FHIT: variants seen among roughly 807,000 people sequenced by gnomAD.
FHIT encodes bis(5'-adenosyl)-triphosphatase.
In FHIT, 19 loss-of-function variants were observed where a neutral mutation model predicts 17.9. The observed-to-expected ratio is 1.06, with a 90% confidence interval of 0.74 to 1.56. The LOEUF (loss-of-function observed/expected upper bound fraction) is 1.56. Among genes scored for constraint, FHIT ranks in the 40% most tolerant of loss-of-function variants. The pLI, the probability that FHIT is intolerant of heterozygous loss-of-function variation, is 0.00. For synonymous variants in FHIT, 81 were observed against 69.7 expected (o/e 1.16, Z -0.81); for missense variants, 248 against 189.2 (o/e 1.31, Z -1.82).
chr3:60,305,618 A>C (rs1708635323), intron 5 of FHIT, among the ~76,000 whole-genome samples: 1 of 152,132 alleles, frequency 6.6e-6, no homozygotes, highest in African/African-American at 2.4e-5. Context: ...TAAGATCTTT[A>C]AACTGTCTAG....
chr3:60,013,440 C>A (rs1252581588), intron 6 of FHIT, among the ~76,000 whole-genome samples: 1 of 152,184 alleles, frequency 6.6e-6, no homozygotes, highest in Non-Finnish European at 1.5e-5. Context: ...TCACCATGGA[C>A]ATCCTTCTCC....
At chr3:60,637,363 A>T (rs181715626) in intron 4 of FHIT, among the ~76,000 whole-genome samples, 39 of 152,286 alleles carry the variant, frequency 2.6e-4, no homozygotes, top group Middle Eastern at 6.8e-3. Flanking sequence ...CTTAAAGATA[A>T]GGGCTATGCC....
At chr3:60,488,513 G>A (rs1377531015) in intron 5 of FHIT, among the ~76,000 whole-genome samples, 1 of 152,168 alleles carries the variant, frequency 6.6e-6, no homozygotes, top group Non-Finnish European at 1.5e-5. Flanking sequence ...TGTCACTGGA[G>A]CGGGGTCTTG....
chr3:61,083,142 T>C (rs1026341774), intron 2 of FHIT, among the ~76,000 whole-genome samples: 12 of 152,316 alleles, frequency 7.9e-5, no homozygotes, highest in African/African-American at 2.9e-4. Context: ...ATCTTTTCAT[T>C]TTTTGCTATT....
intron 8 of FHIT, among the ~76,000 whole-genome samples, chr3:59,921,811 G>A (rs549781356): frequency 1.3e-5 from 2 of 152,280 alleles, no homozygotes; most frequent in East Asian, 3.9e-4. Flanking sequence ...CTTTGAATGG[G>A]AGTACTTAGA....
chr3:60,603,841 C>A, intron 4 of FHIT, among the ~76,000 whole-genome samples: 1 of 152,110 alleles, frequency 6.6e-6, no homozygotes, highest in Non-Finnish European at 1.5e-5. Context: ...GTAAATAGAT[C>A]TCTGGCTTAG....
At chr3:60,517,573 G>A (rs1294921670) in intron 5 of FHIT, among the ~76,000 whole-genome samples, 1 of 152,088 alleles carries the variant, frequency 6.6e-6, no homozygotes. Context: ...GGTTAACTGG[G>A]AATTGCCATA....
At chr3:59,890,347 C>A (rs1027723610) in intron 8 of FHIT, among the ~76,000 whole-genome samples, 1 of 152,024 alleles carries the variant, frequency 6.6e-6, no homozygotes, top group Non-Finnish European at 1.5e-5. Context: ...ACGGACTGAG[C>A]ATCAATCTGG....
intron 5 of FHIT, among the ~76,000 whole-genome samples, chr3:60,178,588 G>A (rs1320375315): frequency 6.6e-6 from 1 of 152,008 alleles, no homozygotes; most frequent in African/African-American, 2.4e-5. Context: ...TCTGTTGGTG[G>A]CGGTGGGGGG....
At position 60,272,724 on chromosome 3, in the gene FHIT, G is replaced by A. The variant is rs138154237; in HGVS notation, c.104-258572C>T. On this transcript the variant is annotated intron_variant, in intron 5 of 9. Coordinates refer to ENST00000492590, the MANE Select transcript of FHIT (RefSeq NM_002012.4). ...CTGTAATCCTAAAACTCAGTTAAGAGGGAAGTGCATCTACAAATCAAGACA... is the reference window on the plus strand; with the variant it reads ...CTGTAATCCTAAAACTCAGTTAAGAAGGAAGTGCATCTACAAATCAAGACA... Among the ~76,000 whole-genome samples the A allele has an allele frequency of 2.8e-3, 419 of 152,276 alleles. 1 individual carries two copies. Among genetic ancestry groups the A allele is most frequent in the African/African-American group, 9.4e-3 (391 of 41,560 alleles).
Position 59,770,216 on chromosome 3 carries a change from A to G in FHIT, c.349-17895T>C, listed in dbSNP as rs116683228. 4.7e-3 allele frequency among the ~76,000 whole-genome samples: 711 copies of G among 152,312 alleles called. 3 individuals carry two copies. Among genetic ancestry groups the G allele is most frequent in the Middle Eastern group, 0.02 (6 of 294 alleles). On this transcript the variant is annotated intron_variant, in intron 8 of 9. Coordinates refer to ENST00000492590, the MANE Select transcript of FHIT (RefSeq NM_002012.4). Reference sequence around the variant, plus strand: ...CTCTTTTTTGTGGACTATCTCATCGAATCGTCCTAACAACCCTATGTGGTA... The same window carrying G: ...CTCTTTTTTGTGGACTATCTCATCGGATCGTCCTAACAACCCTATGTGGTA...
chr3:59,991,922 C>T (rs1367894261), intron 7 of FHIT, among the ~76,000 whole-genome samples: 2 of 152,064 alleles, frequency 1.3e-5, no homozygotes. Context: ...TTCCCTTGAA[C>T]TCTTTAATTA....
At chr3:59,991,173 T>C (rs1406589763) in intron 7 of FHIT, among the ~76,000 whole-genome samples, 1 of 152,092 alleles carries the variant, frequency 6.6e-6, no homozygotes, top group Non-Finnish European at 1.5e-5. Flanking sequence ...ACTCAGCAGG[T>C]GCTCAGTGAA....
At chr3:60,168,663 T>G (rs78454050) in intron 5 of FHIT, among the ~76,000 whole-genome samples, 1 of 152,178 alleles carries the variant, frequency 6.6e-6, no homozygotes, top group African/African-American at 2.4e-5. Context: ...AAGAACCGTG[T>G]TTTTGAAAGG....
At chr3:61,131,436 C>T (rs1015830492) in intron 2 of FHIT, among the ~76,000 whole-genome samples, 2 of 152,236 alleles carry the variant, frequency 1.3e-5, no homozygotes, top group African/African-American at 4.8e-5. Context: ...TTCCTCAGCA[C>T]ACTCAAGTGA....
chr3:60,321,633 C>A lies in FHIT; in HGVS notation c.103+215227G>T, dbSNP rs192924466. On this transcript the variant is annotated intron_variant, in intron 5 of 9. Coordinates refer to ENST00000492590, the MANE Select transcript of FHIT (RefSeq NM_002012.4). ...AGGAGAACTGCTGAAATCTGAGGAT[C>A]TCCTCTCTCTGTATATATTTAAAAT... 4.3e-3 allele frequency among the ~76,000 whole-genome samples: 653 copies of A among 152,328 alleles called. 5 individuals carry two copies. The highest frequency in any genetic ancestry group is 6.3e-3 in the Non-Finnish European group (431 of 68,040).
At chr3:61,045,614 G>C (rs1472119516) in intron 2 of FHIT, among the ~76,000 whole-genome samples, 6 of 152,246 alleles carry the variant, frequency 3.9e-5, no homozygotes, top group Admixed American at 2.6e-4. Flanking sequence ...TCCAGGAATA[G>C]AACTCAGCTC....
At chr3:59,865,243 C>T (rs546621486) in intron 8 of FHIT, among the ~76,000 whole-genome samples, 2 of 152,186 alleles carry the variant, frequency 1.3e-5, no homozygotes, top group Admixed American at 1.3e-4. Context: ...TATAGAAATA[C>T]ATTAAATCTT....
At chr3:60,705,555 T>A (rs2107920436) in intron 4 of FHIT, among the ~76,000 whole-genome samples, 1 of 152,372 alleles carries the variant, frequency 6.6e-6, no homozygotes, top group South Asian at 2.1e-4. Flanking sequence ...AATTCAACGT[T>A]GGTCTCTAGG....
Sources: allele counts gnomAD v4.1 joint callset (sites outside exome capture counted in the v4.1 genomes callset), GRCh38; gene constraint gnomAD v4.1.1; transcripts MANE v1.5; gene names NCBI Gene and HGNC (gene_info 2026-07-23, HGNC 2026-07-21).